The following LYZL4 variants were observed in gnomAD, a reference collection of about 807,000 sequenced individuals.
LYZL4 encodes the protein lysozyme-like protein 4.
In LYZL4, 13 loss-of-function variants were observed where a neutral mutation model predicts 17.6. That is an observed-to-expected ratio of 0.74 (90% confidence interval 0.48 to 1.18). The LOEUF (loss-of-function observed/expected upper bound fraction) is 1.18. Ranked by LOEUF, LYZL4 falls within the 50% of genes most tolerant of loss-of-function variation. The probability of loss-of-function intolerance (pLI) is 0.00; values close to 1 mark genes in which losing one functional copy is unlikely to be tolerated. For synonymous variants in LYZL4, 64 were observed against 67.7 expected (o/e 0.95, Z 0.27); for missense variants, 174 against 188.2 (o/e 0.92, Z 0.44).
downstream of LYZL4, among the ~76,000 whole-genome samples, chr3:42,393,691 C>T (rs1251560361): frequency 6.6e-6 from 1 of 152,214 alleles, no homozygotes; most frequent in East Asian, 1.9e-4. Flanking sequence ...TCTGGAGAAG[C>T]TTTGAAAACA....
chr3:42,362,927 A>C, the LYZL4 span, among the ~76,000 whole-genome samples: 1 of 152,186 alleles, frequency 6.6e-6, no homozygotes, highest in Non-Finnish European at 1.5e-5. Context: ...CTAACACTAC[A>C]TATCTCCTGA....
downstream of LYZL4, among the ~76,000 whole-genome samples, chr3:42,393,949 A>G (rs1349051626): frequency 2.0e-5 from 3 of 151,850 alleles, no homozygotes; most frequent in East Asian, 3.9e-4. Context: ...CCACCACCAT[A>G]CCCAGCTAAT....
chr3:42,409,450 G>C (rs1262500021), intron 1 of LYZL4, among the ~76,000 whole-genome samples: 1 of 152,098 alleles, frequency 6.6e-6, no homozygotes, highest in African/African-American at 2.4e-5. Flanking sequence ...TCCCAACAGA[G>C]CAAACAACAT....
chr3:42,388,451 G>C, the LYZL4 span, among the ~76,000 whole-genome samples: 3 of 152,186 alleles, frequency 2.0e-5, no homozygotes, highest in African/African-American at 4.8e-5. Flanking sequence ...TTCAACCCAA[G>C]CTCCTTCTAC....
chr3:42,371,798 A>G, the LYZL4 span, among the ~76,000 whole-genome samples: 1 of 152,228 alleles, frequency 6.6e-6, no homozygotes, highest in Non-Finnish European at 1.5e-5. Flanking sequence ...AAGGATGGGA[A>G]CTGGACTCCA....
At chr3:42,377,392 C>A in the LYZL4 span, among the ~76,000 whole-genome samples, 1 of 152,086 alleles carries the variant, frequency 6.6e-6, no homozygotes, top group African/African-American at 2.4e-5. Flanking sequence ...AATCAACTAT[C>A]CCCCAAGCAG....
At chr3:42,375,207 T>TC in the LYZL4 span, among the ~76,000 whole-genome samples, 2 of 152,276 alleles carry the variant, frequency 1.3e-5, no homozygotes, top group Admixed American at 1.3e-4. Context: ...TTCTATCCTG[T>TC]CTTCTCTCCT....
At position 42,410,570 on chromosome 3, in the gene LYZL4, C is replaced by T. The variant is rs1698844039; in HGVS notation, c.-246G>A. 1.3e-5 allele frequency: 2 copies of T among 152,170 alleles called. No individual in the cohort carries two copies. The highest frequency in any genetic ancestry group is 2.1e-4 in the South Asian group (1 of 4,824). 9.4% of individuals were successfully genotyped at this position (152,170 alleles called of 1,614,324 possible). On this transcript the variant is annotated 5_prime_UTR_variant, in exon 1 of 5. Transcript: ENST00000287748. ...TTCAGATGCTACTTCATTAATCATC[C>T]ACTTGTCTGCACCCAAGAGTTCTCC...
At chr3:42,382,685 C>T in the LYZL4 span, among the ~76,000 whole-genome samples, 1 of 151,864 alleles carries the variant, frequency 6.6e-6, no homozygotes, top group Non-Finnish European at 1.5e-5. Flanking sequence ...GGAACTAGAG[C>T]CCAGATCCAC....
chr3:42,407,252 C>A lies in LYZL4; in HGVS notation c.-1G>T. 2.5e-6 allele frequency: 4 copies of A among 1,614,106 alleles called. No homozygotes were observed. The highest frequency in any genetic ancestry group is 3.4e-6 in the Non-Finnish European group (4 of 1,180,014). On this transcript the variant is annotated 5_prime_UTR_variant, in exon 2 of 5. Coordinates refer to ENST00000287748, the MANE Select transcript of LYZL4 (RefSeq NM_144634.4). Reference sequence around the variant, plus strand: ...GGGAGAGAACCACGGATGCCTTCATCTTCTCCAGGCTCCTGGCAGGTCAGG... The same window carrying A: ...GGGAGAGAACCACGGATGCCTTCATATTCTCCAGGCTCCTGGCAGGTCAGG...
the LYZL4 span, among the ~76,000 whole-genome samples, chr3:42,373,744 A>G: frequency 1.3e-5 from 2 of 152,132 alleles, no homozygotes; most frequent in Non-Finnish European, 2.9e-5. Flanking sequence ...CTCCCAAAGC[A>G]CACCTTCCCT....
the LYZL4 span, among the ~76,000 whole-genome samples, chr3:42,370,163 A>C: frequency 1.3e-5 from 2 of 152,290 alleles, no homozygotes; most frequent in African/African-American, 4.8e-5. Context: ...TTCTGAGTAG[A>C]GGAAGGGACT....
chr3:42,407,550 T>C (rs1453855739), intron 1 of LYZL4: 6 of 387,460 alleles, frequency 1.5e-5, no homozygotes, highest in Non-Finnish European at 2.4e-5. Flanking sequence ...ACCCCAATTC[T>C]TTCCATCCAG....
chr3:42,369,164 T>C, the LYZL4 span, among the ~76,000 whole-genome samples: 1 of 152,268 alleles, frequency 6.6e-6, no homozygotes, highest in Non-Finnish European at 1.5e-5. Flanking sequence ...AAAAGCTATG[T>C]AATTAGAAGT....
chr3:42,372,525 T>C, the LYZL4 span, among the ~76,000 whole-genome samples: 1 of 152,176 alleles, frequency 6.6e-6, no homozygotes, highest in Non-Finnish European at 1.5e-5. Flanking sequence ...CAGGCTTTAA[T>C]GTGTAGGTTA....
At chr3:42,406,477 AAAAG>A (rs1559456443) in intron 3 of LYZL4, among the ~76,000 whole-genome samples, 10 of 150,868 alleles carry the variant, frequency 6.6e-5, no homozygotes, top group African/African-American at 1.7e-4. Context: ...AAAAAAAAAA[AAAAG>A]AAAGAAAGAA....
At chr3:42,386,395 G>GCTCCCC in the LYZL4 span, among the ~76,000 whole-genome samples, 1 of 107,456 alleles carries the variant, frequency 9.3e-6, no homozygotes, top group African/African-American at 3.7e-5. Context: ...GAGCCACCAC[G>GCTCCCC]CCCCCCCCCC....
At chr3:42,382,784 G>A in the LYZL4 span, among the ~76,000 whole-genome samples, 2 of 151,666 alleles carry the variant, frequency 1.3e-5, no homozygotes, top group Non-Finnish European at 2.9e-5. Flanking sequence ...AACTTTCAAG[G>A]ACAAGCAGAA....
the LYZL4 span, among the ~76,000 whole-genome samples, chr3:42,384,329 A>G: frequency 6.6e-6 from 1 of 152,294 alleles, no homozygotes; most frequent in South Asian, 2.1e-4. Context: ...GAATTTCAAT[A>G]AAACAAGGGT....
Sources: gnomAD v4.1 joint callset for allele counts (sites outside exome capture counted in the v4.1 genomes callset) on GRCh38, gnomAD v4.1.1 for gene constraint, MANE v1.5 for transcripts, NCBI Gene and HGNC (gene_info 2026-07-23, HGNC 2026-07-21) for gene names.